The following SLC1A3 variants were observed in gnomAD, a reference collection of about 807,000 sequenced individuals.
The protein encoded by SLC1A3 is excitatory amino acid transporter 1.
In SLC1A3, 21 loss-of-function variants were observed where a neutral mutation model predicts 48.1. The observed-to-expected ratio is 0.44, with a 90% CI of 0.31 to 0.63. SLC1A3 has a LOEUF of 0.63. Ranked by LOEUF, SLC1A3 falls within the 20% of genes least tolerant of loss-of-function variation. The pLI, the probability that SLC1A3 is intolerant of heterozygous loss-of-function variation, is 0.08. For missense variants in SLC1A3, 546 were observed against 689.0 expected (o/e 0.79, Z 2.32); for synonymous variants, 239 against 251.4 (o/e 0.95, Z 0.47).
intron 3 of SLC1A3, among the ~76,000 whole-genome samples, chr5:36,654,818 C>A (rs1024671017): frequency 6.6e-5 from 10 of 152,184 alleles, no homozygotes. Context: ...CACTGTTAAC[C>A]ATAGACTCCA....
At chr5:36,650,278 T>A (rs185095778) in intron 3 of SLC1A3, among the ~76,000 whole-genome samples, 39 of 152,334 alleles carry the variant, frequency 2.6e-4, no homozygotes, top group Admixed American at 2.4e-3. Flanking sequence ...GGGTCATTTA[T>A]CCATCTGTAA....
intron 2 of SLC1A3, among the ~76,000 whole-genome samples, chr5:36,620,913 T>A (rs1384527530): frequency 1.4e-5 from 2 of 145,816 alleles, no homozygotes; most frequent in African/African-American, 5.0e-5. Context: ...AGCTAGGTCT[T>A]TTTTTTTTTT....
chr5:36,652,095 T>C (rs972766553), intron 3 of SLC1A3, among the ~76,000 whole-genome samples: 3 of 152,202 alleles, frequency 2.0e-5, no homozygotes, highest in African/African-American at 7.2e-5. Context: ...CCTGGAAAGA[T>C]TCACTGATTC....
At chr5:36,639,386 C>T (rs1400941001) in intron 3 of SLC1A3, among the ~76,000 whole-genome samples, 3 of 152,144 alleles carry the variant, frequency 2.0e-5, no homozygotes, top group African/African-American at 7.2e-5. Context: ...ACAAATATAC[C>T]ATTGTTTTTA....
intron 1 of SLC1A3, among the ~76,000 whole-genome samples, chr5:36,598,663 C>G (rs1325699355): frequency 6.6e-6 from 1 of 151,948 alleles, no homozygotes; most frequent in African/African-American, 2.4e-5. Context: ...TCTTTGTCAC[C>G]CTGGCTGGAG....
intron 3 of SLC1A3, among the ~76,000 whole-genome samples, chr5:36,643,747 C>A (rs1354535468): frequency 6.6e-6 from 1 of 152,082 alleles, no homozygotes; most frequent in Non-Finnish European, 1.5e-5. Context: ...GTAATCCCAC[C>A]ACTTTGGGTG....
At chr5:36,629,632 T>C (rs1405189916) in intron 3 of SLC1A3, 45 bp downstream of exon 3, 2 of 1,559,430 alleles carry the variant, frequency 1.3e-6, no homozygotes, top group Non-Finnish European at 8.8e-7. Flanking sequence ...TTTAAGTGTG[T>C]TTATTGCAAA....
At chr5:36,648,198 G>A (rs1740911325) in intron 3 of SLC1A3, among the ~76,000 whole-genome samples, 1 of 152,084 alleles carries the variant, frequency 6.6e-6, no homozygotes, top group Non-Finnish European at 1.5e-5. Context: ...CTGTCTCAAT[G>A]TTGAAAGAAA....
Position 36,608,591 on chromosome 5 carries a change from C to T in SLC1A3, c.168C>T (p.Thr56=), listed in dbSNP as rs751614772. The part of the protein sequence containing the change: ...FRNAFVLLTV[T]AVIVGTILGF... Reference sequence around the variant, plus strand: ...ATGCTTTTGTGCTGCTCACAGTCACCGCTGTCATTGTGGGTGAGTCATTTG... The same window carrying T: ...ATGCTTTTGTGCTGCTCACAGTCACTGCTGTCATTGTGGGTGAGTCATTTG... Residue 56 remains threonine (T), a synonymous_variant, in exon 2 of 10, where the codon ACC becomes ACT. Transcript: ENST00000265113. 35 of 1,613,088 alleles carry T rather than the reference C, an allele frequency of 2.2e-5. No individual in the cohort carries two copies. The Admixed American group carries it at 3.5e-4, about 16-fold the overall frequency.
intron 3 of SLC1A3, among the ~76,000 whole-genome samples, chr5:36,663,380 ATT>A (rs1156283585): frequency 0.036 from 2,520 of 69,196 alleles, 9 homozygotes; most frequent in African/African-American, 0.071. Context: ...CACGCCCGGC[ATT>A]TTTTTTTTTT....
intron 3 of SLC1A3, chr5:36,669,931 A>G (rs1446357864): frequency 6.6e-6 from 1 of 150,870 alleles, no homozygotes; most frequent in East Asian, 2.0e-4. Context: ...CTTTTAATAC[A>G]TTTGTGGAAA....
chr5:36,602,286 TACTC>T (rs201323819), upstream of SLC1A3, among the ~76,000 whole-genome samples: 59 of 152,346 alleles, frequency 3.9e-4, no homozygotes, highest in East Asian at 3.3e-3. Flanking sequence ...CCCAGCATAT[TACTC>T]AATCCCTACT....
intron 3 of SLC1A3, among the ~76,000 whole-genome samples, chr5:36,639,637 A>G (rs1740533013): frequency 1.3e-5 from 2 of 152,200 alleles, no homozygotes; most frequent in Admixed American, 1.3e-4. Context: ...GATGTTGCTA[A>G]ATTACCTCCC....
At chr5:36,597,131 C>T (rs756440796) in intron 1 of SLC1A3, among the ~76,000 whole-genome samples, 5 of 149,702 alleles carry the variant, frequency 3.3e-5, no homozygotes, top group East Asian at 2.0e-4. Context: ...TGTTACTGCT[C>T]GTTCTGCCAG....
intron 1 of SLC1A3, among the ~76,000 whole-genome samples, chr5:36,599,129 A>G (rs1195332999): frequency 1.3e-5 from 2 of 152,218 alleles, no homozygotes; most frequent in African/African-American, 4.8e-5. Context: ...ACATGTGGCT[A>G]GTGATTACCA....
intron 2 of SLC1A3, among the ~76,000 whole-genome samples, chr5:36,627,296 C>T (rs977440673): frequency 3.9e-5 from 6 of 152,048 alleles, no homozygotes; most frequent in East Asian, 3.8e-4. Context: ...ATAATATTTA[C>T]TCATCACATT....
intron 3 of SLC1A3, among the ~76,000 whole-genome samples, chr5:36,663,320 A>T (rs990415679): frequency 6.7e-6 from 1 of 149,538 alleles, no homozygotes; most frequent in Admixed American, 6.7e-5. Flanking sequence ...GGTTCGAGCA[A>T]TTCTCCTGCC....
intron 3 of SLC1A3, among the ~76,000 whole-genome samples, chr5:36,656,358 G>C (rs1341502877): frequency 6.6e-6 from 1 of 152,160 alleles, no homozygotes; most frequent in Non-Finnish European, 1.5e-5. Flanking sequence ...CCTCTCTCTA[G>C]AGCCATGTAA....
intron 3 of SLC1A3, chr5:36,629,856 C>T (rs1260111860): frequency 2.2e-6 from 1 of 453,854 alleles, no homozygotes; most frequent in African/African-American, 2.0e-5. Flanking sequence ...CTGCTAAACA[C>T]CACACCATCA....
Sources: gnomAD v4.1 joint callset for allele counts (sites outside exome capture counted in the v4.1 genomes callset) on GRCh38, gnomAD v4.1.1 for gene constraint, MANE v1.5 for transcripts, NCBI Gene and HGNC (gene_info 2026-07-23, HGNC 2026-07-21) for gene names.